MCIDAS: variants seen among roughly 807,000 people sequenced by gnomAD.
The protein encoded by MCIDAS is multicilin.
A neutral mutation model predicts 35.4 loss-of-function variants in MCIDAS; 23 were observed. The ratio of observed to expected loss-of-function variants is 0.65; its 90% CI spans 0.47 to 0.92. The LOEUF (loss-of-function observed/expected upper bound fraction) is 0.92, where lower values mean the gene tolerates loss of function less well. MCIDAS is among the 40% of genes least tolerant of loss of function. The pLI is 0.00. For missense variants in MCIDAS, 480 were observed against 531.8 expected, an observed-to-expected ratio of 0.90 and a Z score of 0.96; for synonymous variants, 228 against 235.2, an observed-to-expected ratio of 0.97 and a Z score of 0.28.
intron 3 of MCIDAS, among the ~76,000 whole-genome samples, chr5:55,224,270 A>AATAAG: frequency 6.6e-6 from 1 of 151,838 alleles, no homozygotes; most frequent in East Asian, 1.9e-4. Context: ...CCAATAGCCC[A>AATAAG]CCAGAAAGAC....
chr5:55,224,390 C>T (rs866851659), intron 3 of MCIDAS, among the ~76,000 whole-genome samples: 1 of 152,130 alleles, frequency 6.6e-6, no homozygotes, highest in Non-Finnish European at 1.5e-5. Context: ...ACTTACTCTG[C>T]CCCTAACTTC....
rs992670535 is a variant in MCIDAS, at chr5:55,226,748, G to A, written c.218-81C>T. 1.1e-5 allele frequency: 16 copies of A among 1,405,298 alleles called. No homozygotes were observed. The Admixed American group carries it at 2.8e-4, about 25-fold the overall frequency. The allele number at this position is 1,405,298 out of a possible 1,614,324, so 87.1% of individuals were successfully genotyped here. On this transcript the variant is annotated intron_variant, in intron 2 of 6. Transcript: ENST00000513312. The stretch of plus-strand genomic sequence containing the variant: ...GCTCGCAGCTAGGACGTCAGAGCCC[G>A]GGGGAGAGAAGCTCCTCCGAGCTGT...
At chr5:55,225,836 C>T (rs1008296551) in intron 3 of MCIDAS, among the ~76,000 whole-genome samples, 4 of 152,222 alleles carry the variant, frequency 2.6e-5, no homozygotes, top group Non-Finnish European at 5.9e-5. Context: ...GACACCAGTG[C>T]TGGGAGACTC....
intron 4 of MCIDAS, among the ~76,000 whole-genome samples, chr5:55,222,619 A>G (rs1163289656): frequency 6.6e-6 from 1 of 152,164 alleles, no homozygotes; most frequent in East Asian, 1.9e-4. Flanking sequence ...AATTCAATCA[A>G]GAACACTTCC....
intron 5 of MCIDAS, 143 bp from the exon 6 acceptor site, chr5:55,221,269 A>C: frequency 2.0e-6 from 1 of 496,666 alleles, no homozygotes. Context: ...ATAATAATCA[A>C]TTTACTTTTT....
At chr5:55,222,460 C>A in intron 4 of MCIDAS, 61 bp from the exon 5 acceptor site, 2 of 1,304,296 alleles carry the variant, frequency 1.5e-6, no homozygotes, top group South Asian at 1.5e-5. Flanking sequence ...GTTACAGGAG[C>A]AAAATGCCAC....
At chr5:55,220,973 G>T in intron 6 of MCIDAS, 43 bp downstream of exon 6, 1 of 1,508,336 alleles carries the variant, frequency 6.6e-7, no homozygotes, top group South Asian at 1.2e-5. Flanking sequence ...GAACTGTTCA[G>T]TTCCGACGTG....
intron 5 of MCIDAS, 37 bp from the exon 6 acceptor site, chr5:55,221,163 T>A: frequency 1.4e-6 from 2 of 1,462,040 alleles, no homozygotes; most frequent in Non-Finnish European, 1.8e-6. Context: ...GGGTAGGTAC[T>A]GTGCTGGGTC....
At position 55,222,159 on chromosome 5, in the gene MCIDAS, C is replaced by CAG; in HGVS notation, c.606+15_606+16dup. 2 of 1,533,454 alleles carry CAG rather than the reference C, an allele frequency of 1.3e-6. No individual in the cohort carries two copies. Among genetic ancestry groups the CAG allele is most frequent in the Non-Finnish European group, 1.7e-6 (2 of 1,146,174 alleles). The allele number at this position is 1,533,454 out of a possible 1,614,324, so 95.0% of individuals were successfully genotyped here. A position where few individuals can be genotyped will look rare whatever the true frequency, so the allele number is the denominator to read the frequency against. ...TCCCTGCCCCAGGATTCCTGGTCGC[C>CAG]AGACCAGTGTCCCTACTTGATTATT... On this transcript the variant is annotated intron_variant, in intron 5 of 6. Coordinates refer to ENST00000513312, the MANE Select transcript of MCIDAS (RefSeq NM_001190787.3).
Position 55,222,813 on chromosome 5 carries a change from G to A in MCIDAS, c.382+138C>T, listed in dbSNP as rs543517189. The A allele has an allele frequency of 3.0e-5, 22 of 733,092 alleles. No homozygotes were observed. In the African/African-American group the frequency reaches 3.7e-4, roughly 12 times the overall value. The allele number at this position is 733,092 out of a possible 1,614,324, so 45.4% of individuals were successfully genotyped here. ...AAATGTCCTAAATATGGAAAAGGCTGACTCTTTGATGAGTTGCTGGAGAGT... is the reference window on the plus strand; with the variant it reads ...AAATGTCCTAAATATGGAAAAGGCTAACTCTTTGATGAGTTGCTGGAGAGT... On this transcript the variant is annotated intron_variant, in intron 4 of 6. Transcript: ENST00000513312.
At chr5:55,221,940 A>G (rs1353884004) in intron 5 of MCIDAS, among the ~76,000 whole-genome samples, 5 of 152,108 alleles carry the variant, frequency 3.3e-5, no homozygotes, top group African/African-American at 9.6e-5. Flanking sequence ...AAAAATGAAT[A>G]AATAAATAAA....
Position 55,220,557 on chromosome 5 carries a change from AG to A in MCIDAS, c.966del (p.Phe323SerfsTer13), listed in dbSNP as rs1745333930. Reference sequence around the variant, plus strand: ...CTGCAGTCTGTGCGCAGCCCCCGGAAGGCGCCATGCAGGTTCCCGGGCCTGG... The same window carrying A: ...CTGCAGTCTGTGCGCAGCCCCCGGAAGCGCCATGCAGGTTCCCGGGCCTGG... ...TDTRPGNLHG[A>X]FRGLRTDCSR... On this transcript the variant is annotated frameshift_variant, in exon 7 of 7. Coordinates refer to ENST00000513312, the MANE Select transcript of MCIDAS (RefSeq NM_001190787.3). LOFTEE classifies it high-confidence loss of function. 6.5e-7 allele frequency: 1 copy of A among 1,535,902 alleles called. No homozygotes were observed.
intron 3 of MCIDAS, among the ~76,000 whole-genome samples, chr5:55,224,916 G>A (rs1043167324): frequency 7.2e-5 from 11 of 152,138 alleles, no homozygotes; most frequent in African/African-American, 1.2e-4. Flanking sequence ...TTGAAACTTC[G>A]AGGCTGGGCA....
Sources: allele counts gnomAD v4.1 joint callset (sites outside exome capture counted in the v4.1 genomes callset), GRCh38; gene constraint gnomAD v4.1.1; transcripts MANE v1.5; gene names NCBI Gene and HGNC (gene_info 2026-07-23, HGNC 2026-07-21).